The following SUGCT variants were observed in gnomAD, a reference collection of about 807,000 sequenced individuals.
SUGCT encodes the protein succinyl-CoA:glutarate-CoA transferase.
SUGCT carries 41 observed loss-of-function variants against 55.0 expected under a neutral mutation model. That is an observed-to-expected ratio of 0.74 (90% CI 0.58 to 0.97). The LOEUF is 0.97. SUGCT is among the 50% of genes least tolerant of loss of function. The pLI is 0.00. For synonymous variants in SUGCT, 187 were observed against 200.4 expected (o/e 0.93, Z 0.56); for missense variants, 568 against 547.8 (o/e 1.04, Z -0.37).
the SUGCT span, among the ~76,000 whole-genome samples, chr7:40,925,992 G>C: frequency 3.9e-4 from 60 of 152,148 alleles, no homozygotes; most frequent in Non-Finnish European, 7.1e-4. Flanking sequence ...TACTTAGGAG[G>C]CCAAGGTGGG....
Position 40,293,958 on chromosome 7 carries a change from G to GT in SUGCT, c.720+19309dup, listed in dbSNP as rs555759329. On this transcript the variant is annotated intron_variant, in intron 8 of 13. Coordinates refer to ENST00000335693, the MANE Select transcript of SUGCT (RefSeq NM_001193313.2). ...TGATTTAGAAAGAGCTTTTTTTTTT[G>GT]TTTTTTTGAGTTGGAGTCTCGCTCT... Among the ~76,000 whole-genome samples, 7 of 150,912 alleles carry GT rather than the reference G, an allele frequency of 4.6e-5. 1 individual carries two copies. The South Asian group carries it at 6.3e-4, about 14-fold the overall frequency.
chr7:40,439,114 A>G (rs1168646625), intron 9 of SUGCT, among the ~76,000 whole-genome samples: 1 of 121,006 alleles, frequency 8.3e-6, no homozygotes, highest in African/African-American at 3.1e-5. Flanking sequence ...ATATATATGG[A>G]TAGAGAGAGA....
chr7:40,626,095 C>T (rs1799512509), intron 12 of SUGCT, among the ~76,000 whole-genome samples: 1 of 152,140 alleles, frequency 6.6e-6, no homozygotes. Context: ...TTGTTCTTAA[C>T]TACCATACCA....
the SUGCT span, among the ~76,000 whole-genome samples, chr7:41,003,766 C>T: frequency 1.3e-5 from 2 of 152,166 alleles, no homozygotes; most frequent in African/African-American, 4.8e-5. Context: ...CGGAGACAAT[C>T]CCAGGTATCC....
chr7:40,751,556 A>C (rs984830984), intron 13 of SUGCT, among the ~76,000 whole-genome samples: 2 of 152,206 alleles, frequency 1.3e-5, no homozygotes, highest in Non-Finnish European at 2.9e-5. Context: ...ATACAGTAAA[A>C]CTGATTTTCC....
intron 12 of SUGCT, among the ~76,000 whole-genome samples, chr7:40,568,084 G>A (rs1796245584): frequency 6.6e-6 from 1 of 152,110 alleles, no homozygotes; most frequent in African/African-American, 2.4e-5. Flanking sequence ...CATCATATCT[G>A]AGAAAGGATA....
the SUGCT span, among the ~76,000 whole-genome samples, chr7:40,973,442 T>C: frequency 6.6e-6 from 1 of 152,362 alleles, no homozygotes; most frequent in African/African-American, 2.4e-5. Flanking sequence ...TGAATTTTGA[T>C]GTTGAAAGTT....
intron 13 of SUGCT, among the ~76,000 whole-genome samples, chr7:40,849,841 G>C (rs1047426745): frequency 9.2e-5 from 14 of 152,028 alleles, no homozygotes; most frequent in Non-Finnish European, 1.6e-4. Flanking sequence ...GGTAACTTTC[G>C]ACAGAGGAGA....
At chr7:40,317,712 C>T (rs1414657854) in intron 9 of SUGCT, among the ~76,000 whole-genome samples, 3 of 152,226 alleles carry the variant, frequency 2.0e-5, no homozygotes, top group Non-Finnish European at 2.9e-5. Flanking sequence ...CCAGGAAATT[C>T]ATCAACCCTG....
chr7:41,038,360 C>T, the SUGCT span, among the ~76,000 whole-genome samples: 1 of 152,206 alleles, frequency 6.6e-6, no homozygotes, highest in Non-Finnish European at 1.5e-5. Context: ...AAACAGAGGC[C>T]TTGAGAAAAC....
At chr7:40,840,920 A>C (rs1296096622) in intron 13 of SUGCT, among the ~76,000 whole-genome samples, 1 of 152,170 alleles carries the variant, frequency 6.6e-6, no homozygotes, top group Non-Finnish European at 1.5e-5. Context: ...TGTTACAACA[A>C]CTATTTTTAG....
intron 12 of SUGCT, among the ~76,000 whole-genome samples, chr7:40,658,794 G>A (rs745806558): frequency 1.1e-4 from 17 of 152,184 alleles, no homozygotes; most frequent in Admixed American, 5.9e-4. Context: ...CTCACAGGGT[G>A]GGGTAGCCTC....
intron 9 of SUGCT, among the ~76,000 whole-genome samples, chr7:40,379,740 CT>C (rs1419390347): frequency 6.6e-6 from 1 of 152,134 alleles, no homozygotes; most frequent in Non-Finnish European, 1.5e-5. Flanking sequence ...CTGCCTTAGT[CT>C]TTACCTCTTT....
At chr7:40,706,935 A>T (rs781182036) in intron 12 of SUGCT, among the ~76,000 whole-genome samples, 9 of 152,302 alleles carry the variant, frequency 5.9e-5, no homozygotes, top group Non-Finnish European at 1.3e-4. Context: ...CCTGCTCCTT[A>T]AAAGAGTCTT....
chr7:40,942,755 T>A, the SUGCT span, among the ~76,000 whole-genome samples: 1 of 140,454 alleles, frequency 7.1e-6, no homozygotes, highest in Non-Finnish European at 1.6e-5. Context: ...TTGTTTCTTT[T>A]AAATTCTCTG....
chr7:40,217,712 A>G (rs970905071), intron 6 of SUGCT, among the ~76,000 whole-genome samples: 11 of 152,186 alleles, frequency 7.2e-5, no homozygotes, highest in Non-Finnish European at 1.5e-4. Context: ...GGGTTTCAGA[A>G]AGCTATCTGT....
chr7:40,411,055 T>G (rs1326333149), intron 9 of SUGCT, among the ~76,000 whole-genome samples: 1 of 151,894 alleles, frequency 6.6e-6, no homozygotes, highest in Admixed American at 6.6e-5. Flanking sequence ...AAATATAGAG[T>G]GGGAAAAATG....
At chr7:40,195,921 C>T (rs1217598416) in intron 6 of SUGCT, among the ~76,000 whole-genome samples, 2 of 151,748 alleles carry the variant, frequency 1.3e-5, no homozygotes, top group East Asian at 2.0e-4. Flanking sequence ...ACCATGTTGG[C>T]GAGGCTGGTC....
At chr7:40,496,889 A>G (rs999314658) in intron 12 of SUGCT, among the ~76,000 whole-genome samples, 1 of 124,298 alleles carries the variant, frequency 8.0e-6, no homozygotes, top group Admixed American at 7.6e-5. Flanking sequence ...TTTGATGAAT[A>G]TGTGTTATTT....
Sources: gnomAD v4.1 joint callset for allele counts (sites outside exome capture counted in the v4.1 genomes callset) on GRCh38, gnomAD v4.1.1 for gene constraint, MANE v1.5 for transcripts, NCBI Gene and HGNC (gene_info 2026-07-23, HGNC 2026-07-21) for gene names.